Variants in KCNQ3 observed in about 807,000 individuals in gnomAD.
The protein encoded by KCNQ3 is potassium voltage-gated channel subfamily Q member 3, also known as potassium voltage-gated channel subfamily KQT member 3.
KCNQ3 carries 30 observed loss-of-function variants against 92.5 expected under a neutral mutation model. That is an observed-to-expected ratio of 0.32 (90% CI 0.24 to 0.44). The LOEUF is 0.44. KCNQ3 is among the 20% of genes least tolerant of loss of function. The pLI is 1.00. For missense variants in KCNQ3, 913 were observed against 1,140.3 expected (o/e 0.80, Z 2.87); for synonymous variants, 450 against 468.8 (o/e 0.96, Z 0.52).
At chr8:132,189,268 C>G (rs1827084837) in intron 1 of KCNQ3, among the ~76,000 whole-genome samples, 1 of 152,208 alleles carries the variant, frequency 6.6e-6, no homozygotes, top group African/African-American at 2.4e-5. Flanking sequence ...CAGCTGCTCT[C>G]TGCAGGCTCC....
chr8:132,238,560 T>C (rs1451275434), intron 1 of KCNQ3, among the ~76,000 whole-genome samples: 2 of 152,208 alleles, frequency 1.3e-5, no homozygotes, highest in African/African-American at 2.4e-5. Context: ...TCAACTCTTA[T>C]GCAAACACTA....
At chr8:132,172,755 A>G in intron 6 of KCNQ3, 62 bp from the exon 7 acceptor site, 1 of 1,219,184 alleles carries the variant, frequency 8.2e-7, no homozygotes, top group East Asian at 2.3e-5. Flanking sequence ...TTCCCGCTCC[A>G]TTGCCAGGGT....
intron 1 of KCNQ3, among the ~76,000 whole-genome samples, chr8:132,324,758 T>C (rs1817991348): frequency 6.6e-6 from 1 of 152,174 alleles, no homozygotes; most frequent in Admixed American, 6.5e-5. Context: ...GGCTAGATAG[T>C]GACTTCCCAG....
chr8:132,374,432 T>C (rs1819557027), intron 1 of KCNQ3, among the ~76,000 whole-genome samples: 1 of 152,138 alleles, frequency 6.6e-6, no homozygotes, highest in Non-Finnish European at 1.5e-5. Context: ...CCCGACCCAC[T>C]TCTATCCTAC....
intron 1 of KCNQ3, among the ~76,000 whole-genome samples, chr8:132,372,480 G>A (rs1410558485): frequency 6.6e-6 from 1 of 152,136 alleles, no homozygotes; most frequent in African/African-American, 2.4e-5. Context: ...TAGAGGCCGG[G>A]CGCAGTGGCT....
intron 1 of KCNQ3, among the ~76,000 whole-genome samples, chr8:132,370,821 G>C (rs1002346634): frequency 3.3e-5 from 5 of 152,214 alleles, no homozygotes; most frequent in Non-Finnish European, 7.3e-5. Flanking sequence ...AATGTGCCAG[G>C]CTCTGTGCAA....
At chr8:132,373,224 A>G (rs1326016887) in intron 1 of KCNQ3, among the ~76,000 whole-genome samples, 1 of 140,988 alleles carries the variant, frequency 7.1e-6, no homozygotes, top group Non-Finnish European at 1.6e-5. Flanking sequence ...ACACACAGAG[A>G]GGGAGACCAG....
At chr8:132,468,513 C>A (rs912253187) in intron 1 of KCNQ3, among the ~76,000 whole-genome samples, 2 of 152,212 alleles carry the variant, frequency 1.3e-5, no homozygotes, top group Non-Finnish European at 2.9e-5. Context: ...GGTAGGACAC[C>A]AGCTTAGGAG....
At chr8:132,263,224 A>G (rs1815851463) in intron 1 of KCNQ3, among the ~76,000 whole-genome samples, 1 of 152,142 alleles carries the variant, frequency 6.6e-6, no homozygotes. Context: ...TCCAGCTCTT[A>G]CAGCTCTGTC....
At chr8:132,241,874 G>A (rs1263183175) in intron 1 of KCNQ3, among the ~76,000 whole-genome samples, 1 of 152,084 alleles carries the variant, frequency 6.6e-6, no homozygotes, top group East Asian at 1.9e-4. Context: ...AAAACACTGA[G>A]TGGTAGAAGG....
intron 1 of KCNQ3, among the ~76,000 whole-genome samples, chr8:132,323,117 T>G (rs182341511): frequency 5.6e-4 from 86 of 152,268 alleles, no homozygotes; most frequent in Admixed American, 2.0e-3. Context: ...GTTCACATTT[T>G]TAGGAGACCC....
intron 1 of KCNQ3, among the ~76,000 whole-genome samples, chr8:132,293,087 C>G (rs1198396568): frequency 6.6e-6 from 1 of 152,134 alleles, no homozygotes; most frequent in African/African-American, 2.4e-5. Flanking sequence ...TGGAGGGTGG[C>G]GGTGCATCCA....
intron 1 of KCNQ3, among the ~76,000 whole-genome samples, chr8:132,361,209 T>G (rs959003815): frequency 8.5e-5 from 13 of 152,146 alleles, no homozygotes; most frequent in African/African-American, 3.1e-4. Flanking sequence ...TCCAATAGCC[T>G]CTCTGAAGCC....
At chr8:132,226,270 CAA>C (rs35424607) in intron 1 of KCNQ3, among the ~76,000 whole-genome samples, 7 of 131,916 alleles carry the variant, frequency 5.3e-5, no homozygotes, top group Admixed American at 7.7e-5. Context: ...GATTCTGTCT[CAA>C]AAAAAAAAAA....
intron 4 of KCNQ3, among the ~76,000 whole-genome samples, chr8:132,179,794 C>G (rs1392072539): frequency 1.3e-5 from 2 of 152,224 alleles, no homozygotes; most frequent in South Asian, 2.1e-4. Context: ...CTGCATGTGG[C>G]CTTGAATGAG....
At chr8:132,448,713 A>G (rs1821751221) in intron 1 of KCNQ3, among the ~76,000 whole-genome samples, 1 of 152,088 alleles carries the variant, frequency 6.6e-6, no homozygotes, top group Admixed American at 6.6e-5. Flanking sequence ...TGCCATTTGG[A>G]TTTCATGGTC....
intron 1 of KCNQ3, among the ~76,000 whole-genome samples, chr8:132,214,639 C>T (rs956768277): frequency 6.6e-6 from 1 of 152,166 alleles, no homozygotes; most frequent in Non-Finnish European, 1.5e-5. Context: ...TTTTTCAAAG[C>T]GTCTTCATCT....
chr8:132,362,951 G>C (rs1819210784), intron 1 of KCNQ3, among the ~76,000 whole-genome samples: 1 of 152,144 alleles, frequency 6.6e-6, no homozygotes, highest in African/African-American at 2.4e-5. Context: ...TAGAGGGAAG[G>C]AGAGGCAAGA....
At chr8:132,414,435 C>T (rs188081727) in intron 1 of KCNQ3, among the ~76,000 whole-genome samples, 20 of 152,312 alleles carry the variant, frequency 1.3e-4, no homozygotes, top group African/African-American at 4.1e-4. Context: ...TCGGAGCCCT[C>T]GCCAGCCCAA....
Sources: allele counts gnomAD v4.1 joint callset (sites outside exome capture counted in the v4.1 genomes callset), GRCh38; gene constraint gnomAD v4.1.1; transcripts MANE v1.5; gene names NCBI Gene and HGNC (gene_info 2026-07-23, HGNC 2026-07-21).